PHKA1: variants seen among roughly 807,000 people sequenced by gnomAD.
PHKA1 encodes phosphorylase kinase regulatory subunit alpha 1, also known as phosphorylase b kinase regulatory subunit alpha, skeletal muscle isoform.
PHKA1 carries 60 observed loss-of-function variants against 110.2 expected under a neutral mutation model. The observed-to-expected ratio is 0.54, with a 90% confidence interval of 0.44 to 0.68. The LOEUF is 0.68. Among genes scored for constraint, PHKA1 ranks in the 30% least tolerant of loss-of-function variants. The pLI is 0.00. For missense variants in PHKA1, 801 were observed against 942.5 expected (o/e 0.85, Z 1.97); for synonymous variants, 316 against 333.6 (o/e 0.95, Z 0.58).
intron 16 of PHKA1, among the ~76,000 whole-genome samples, chrX:72,627,524 T>C (rs782241260): frequency 2.7e-5 from 3 of 112,469 alleles, no homozygotes; most frequent in African/African-American, 6.5e-5. Context: ...TCATACTACA[T>C]ATACTCTTTC....
Position 72,623,003 on chromosome X carries a change from G to C in PHKA1, c.1960+106C>G. 4 of 1,181,672 alleles carry C rather than the reference G, an allele frequency of 3.4e-6. No homozygotes were observed. In the Middle Eastern group the frequency reaches 7.3e-4, roughly 215 times the overall value. ...AACAAAAGTAGAGATCTAGAGTGAG[G>C]ATAGAACACTGTGAGACTGCTGGCA... On this transcript the variant is annotated intron_variant, in intron 18 of 31. Transcript: ENST00000373542.
In PHKA1 at chrX:72,623,099, G is replaced by C; in HGVS notation, c.1960+10C>G. 1.7e-6 allele frequency: 2 copies of C among 1,210,713 alleles called. No homozygotes were observed. The highest frequency in any genetic ancestry group is 2.2e-6 in the Non-Finnish European group (2 of 894,659). Reference sequence around the variant, plus strand: ...TCCAGCCAGGCCAGTGCTTTATGAAGCCTCCTTACCATGACTGGTTGAATC... The same window carrying C: ...TCCAGCCAGGCCAGTGCTTTATGAACCCTCCTTACCATGACTGGTTGAATC... On this transcript the variant is annotated intron_variant, in intron 18 of 31. Coordinates refer to ENST00000373542, the MANE Select transcript of PHKA1 (RefSeq NM_002637.4).
At position 72,636,306 on chromosome X, in the gene PHKA1, G is replaced by T. The variant is rs181530232; in HGVS notation, c.1540C>A (p.Arg514=). ...GGAGTGAAAGTAAAGATAGTTTTCC[G>T]AATGTCATAGAGTTTTGAAGTTCCA... ...VLGTSKLYDI[R]KTIFTFTPQF... Residue 514 remains arginine (R), a synonymous_variant, in exon 15 of 32, where the codon CGG becomes AGG. Transcript: ENST00000373542. 2 of 1,198,643 alleles carry T rather than the reference G, an allele frequency of 1.7e-6. No individual in the cohort carries two copies. The highest frequency in any genetic ancestry group is 5.9e-5 in the East Asian group (2 of 33,775).
At chrX:72,599,767 T>C (rs782378032) in intron 28 of PHKA1, 1 of 504,394 alleles carries the variant, frequency 2.0e-6, no homozygotes, top group African/African-American at 2.3e-5. Flanking sequence ...TATAAGAGCA[T>C]ATTCAAAGCA....
At chrX:72,707,664 T>TGTGTGC (rs2054309662) in intron 2 of PHKA1, among the ~76,000 whole-genome samples, 1 of 107,932 alleles carries the variant, frequency 9.3e-6, no homozygotes, top group African/African-American at 3.5e-5. Flanking sequence ...TGTGTGTGTG[T>TGTGTGC]GTGGAGGGGT....
Position 72,644,022 on chromosome X carries a change from C to T in PHKA1, c.1459+340G>A, listed in dbSNP as rs190271677. On this transcript the variant is annotated intron_variant, in intron 14 of 31. Coordinates refer to ENST00000373542, the MANE Select transcript of PHKA1 (RefSeq NM_002637.4). Reference sequence around the variant, plus strand: ...AGTATAAAAGACCTAAAAACAAGTTCCTTGGCTATCATTCCATATAAAATA... The same window carrying T: ...AGTATAAAAGACCTAAAAACAAGTTTCTTGGCTATCATTCCATATAAAATA... Among the ~76,000 whole-genome samples, 196 of 111,278 alleles carry T rather than the reference C, an allele frequency of 1.8e-3. 2 individuals carry two copies. In the Middle Eastern group the frequency reaches 0.019, roughly 11 times the overall value.
At chrX:72,618,974 G>A in intron 20 of PHKA1, 125 bp from the exon 21 acceptor site, 1 of 685,936 alleles carries the variant, frequency 1.5e-6, no homozygotes, top group Non-Finnish European at 2.3e-6. Context: ...ACTAATGAAA[G>A]GCAAAGCAAA....
intron 7 of PHKA1, 104 bp from the exon 8 acceptor site, chrX:72,666,401 A>G: frequency 1.4e-6 from 1 of 697,472 alleles, no homozygotes; most frequent in Non-Finnish European, 2.2e-6. Context: ...ATGTTTGACA[A>G]AATAGAAAAG....
intron 8 of PHKA1, among the ~76,000 whole-genome samples, chrX:72,662,263 G>A (rs1603265791): frequency 8.9e-6 from 1 of 111,857 alleles, no homozygotes; most frequent in East Asian, 2.8e-4. Context: ...AGCTACTGCA[G>A]GAGTGCAGTA....
intron 17 of PHKA1, among the ~76,000 whole-genome samples, chrX:72,626,075 T>C (rs1371105122): frequency 9.1e-6 from 1 of 110,257 alleles, no homozygotes; most frequent in African/African-American, 3.3e-5. Flanking sequence ...CATGTGTGTA[T>C]ATATATGTAT....
At chrX:72,590,671 G>A (rs1007004867) in intron 29 of PHKA1, among the ~76,000 whole-genome samples, 1 of 111,996 alleles carries the variant, frequency 8.9e-6, no homozygotes, top group Non-Finnish European at 1.9e-5. Flanking sequence ...ATCTGACAAA[G>A]GGCTAATATC....
chrX:72,584,052 G>A (rs1332908779), intron 30 of PHKA1, among the ~76,000 whole-genome samples, 197 bp downstream of exon 30: 1 of 112,266 alleles, frequency 8.9e-6, no homozygotes, highest in Non-Finnish European at 1.9e-5. Flanking sequence ...AAAAGAATTT[G>A]TCTTCATATA....
At chrX:72,643,003 C>T (rs782343061) in intron 14 of PHKA1, among the ~76,000 whole-genome samples, 2 of 110,766 alleles carry the variant, frequency 1.8e-5, no homozygotes, top group African/African-American at 6.6e-5. Flanking sequence ...TTAATAGCTC[C>T]GGAATGCAAG....
intron 2 of PHKA1, among the ~76,000 whole-genome samples, chrX:72,706,591 G>A (rs1485682038): frequency 1.8e-5 from 2 of 110,912 alleles, no homozygotes; most frequent in Non-Finnish European, 3.8e-5. Context: ...CAGAGGGAGG[G>A]GCTTGAATAG....
intron 8 of PHKA1, chrX:72,660,573 C>A: frequency 2.7e-6 from 1 of 366,742 alleles, no homozygotes; most frequent in Non-Finnish European, 4.9e-6. Context: ...TATGTAATAC[C>A]TAAAACAGGG....
chrX:72,613,378 TACACAC>T (rs60746566), intron 21 of PHKA1, among the ~76,000 whole-genome samples: 3 of 97,987 alleles, frequency 3.1e-5, no homozygotes, highest in East Asian at 3.3e-4. Context: ...CATGGGAGGA[TACACAC>T]ACACACACAC....
At chrX:72,606,354 G>GCACACACA in intron 23 of PHKA1, among the ~76,000 whole-genome samples, 1 of 101,154 alleles carries the variant, frequency 9.9e-6, no homozygotes, top group Admixed American at 1.1e-4. Context: ...TCACACACAT[G>GCACACACA]CACACACACA....
chrX:72,711,327 G>C (rs1201021706), intron 2 of PHKA1, among the ~76,000 whole-genome samples: 1 of 112,080 alleles, frequency 8.9e-6, no homozygotes, highest in African/African-American at 3.2e-5. Context: ...ACAAAACACT[G>C]AGCTCAAACT....
chrX:72,588,028 CAGA>C (rs2052460415), intron 29 of PHKA1, among the ~76,000 whole-genome samples: 1 of 111,476 alleles, frequency 9.0e-6, no homozygotes, highest in African/African-American at 3.3e-5. Context: ...ATCAATGAGA[CAGA>C]AGGTTAACAA....
Sources: gnomAD v4.1 joint callset for allele counts (sites outside exome capture counted in the v4.1 genomes callset) on GRCh38, gnomAD v4.1.1 for gene constraint, MANE v1.5 for transcripts, NCBI Gene and HGNC (gene_info 2026-07-23, HGNC 2026-07-21) for gene names.